MEST: variants seen among roughly 807,000 people sequenced by gnomAD.
MEST encodes mesoderm-specific transcript homolog protein.
Under a neutral mutation model 50.9 loss-of-function variants are expected in MEST, and 18 were observed. The ratio of observed to expected loss-of-function variants is 0.35; its 90% CI spans 0.24 to 0.52. The LOEUF is 0.52. Ranked by LOEUF, MEST falls within the 20% of genes least tolerant of loss-of-function variation. MEST has a pLI of 0.94. For synonymous variants in MEST, 130 were observed against 154.1 expected (o/e 0.84, Z 1.16); for missense variants, 282 against 425.3 (o/e 0.66, Z 2.96).
chr7:130,499,957 C>T lies in MEST; in HGVS notation c.576+42C>T, dbSNP rs200410285. 7 of 1,547,796 alleles carry T rather than the reference C, an allele frequency of 4.5e-6. No individual in the cohort carries two copies. In the Admixed American group the frequency reaches 7.2e-5, roughly 16 times the overall value. On this transcript the variant is annotated intron_variant, in intron 7 of 11. Transcript: ENST00000223215. ...TAGACCTTTAGTTTTAGGATTTGTA[C>T]TGACGTAAATAATGCTGGGACCTTT... is the stretch of plus-strand genomic sequence containing the variant.
At chr7:130,504,591 T>A (rs2116308706) in intron 11 of MEST, among the ~76,000 whole-genome samples, 1 of 152,352 alleles carries the variant, frequency 6.6e-6, no homozygotes, top group Admixed American at 6.5e-5. Context: ...TAAGGGAAGA[T>A]CCTTGGTTAT....
rs188599590 is a variant in MEST, at chr7:130,504,727, T to C, written c.891-212T>C. 2.8e-4 allele frequency among the ~76,000 whole-genome samples: 43 copies of C among 152,332 alleles called. 1 individual carries two copies. The East Asian group carries it at 7.9e-3, about 28-fold the overall frequency. On this transcript the variant is annotated intron_variant, in intron 11 of 11. Transcript: ENST00000223215. ...TGTTATATTTTCAAGTTGTTGTTTG[T>C]TGGATTATGAACATTTAAAAACTAG...
At chr7:130,504,832 C>T (rs1554439456) in intron 11 of MEST, 107 bp from the exon 12 acceptor site, 2 of 727,392 alleles carry the variant, frequency 2.7e-6, no homozygotes, top group Admixed American at 2.2e-5. Context: ...TTTGGTGGCT[C>T]CTTCCAGTGT....
intron 2 of MEST, chr7:130,496,849 A>G (rs1417033741): frequency 2.0e-5 from 4 of 201,322 alleles, no homozygotes; most frequent in Non-Finnish European, 4.0e-5. Context: ...AAAAATTTGC[A>G]TATTACAGAA....
chr7:130,504,564 T>G (rs1355333309), intron 11 of MEST, among the ~76,000 whole-genome samples: 1 of 152,230 alleles, frequency 6.6e-6, no homozygotes, highest in African/African-American at 2.4e-5. Context: ...ACCCCCTCTC[T>G]CATCTCCTCC....
At chr7:130,501,021 A>C in intron 9 of MEST, 131 bp downstream of exon 9, 1 of 655,368 alleles carries the variant, frequency 1.5e-6, no homozygotes, top group Non-Finnish European at 2.6e-6. Flanking sequence ...GCAAACCAAA[A>C]AGTCATGGTC....
chr7:130,503,388 G>A lies in MEST; in HGVS notation c.827-545G>A, dbSNP rs190505671. Among the ~76,000 whole-genome samples the A allele has an allele frequency of 6.6e-5, 10 of 152,310 alleles. No individual in the cohort carries two copies. In the East Asian group the frequency reaches 1.9e-3, roughly 29 times the overall value. Reference sequence around the variant, plus strand: ...CCAGGGTGCAGGAGAGCTGGATGAGGGACCAAATGGTTGTCTGTAGGAGGA... The same window carrying A: ...CCAGGGTGCAGGAGAGCTGGATGAGAGACCAAATGGTTGTCTGTAGGAGGA... On this transcript the variant is annotated intron_variant, in intron 10 of 11. Transcript: ENST00000223215.
Position 130,505,068 on chromosome 7 carries a change from T to C in MEST, c.*12T>C. 5 of 1,580,230 alleles carry C rather than the reference T, an allele frequency of 3.2e-6. No individual in the cohort carries two copies. The highest frequency in any genetic ancestry group is 4.3e-6 in the Non-Finnish European group (5 of 1,150,196). On this transcript the variant is annotated 3_prime_UTR_variant, in exon 12 of 12. Transcript: ENST00000223215. ...TCAACTCCTTCTGAGCTGGAAAGAG[T>C]AGCTTCCCTGTATTACCTCCCCTAC...
intron 2 of MEST, chr7:130,496,625 G>C (rs1554437065): frequency 6.0e-6 from 1 of 166,464 alleles, no homozygotes; most frequent in Non-Finnish European, 1.3e-5. Context: ...TAGTTGACAG[G>C]ATTTTGTAAT....
At chr7:130,495,711 T>A in intron 2 of MEST, 189 bp downstream of exon 2, 1 of 520,768 alleles carries the variant, frequency 1.9e-6, no homozygotes, top group Non-Finnish European at 3.2e-6. Context: ...GGGACTGAGA[T>A]TCCAACCTGC....
chr7:130,488,202 C>A (rs1554434244), upstream of MEST: 1 of 152,138 alleles, frequency 6.6e-6, no homozygotes, highest in African/African-American at 2.4e-5. Flanking sequence ...ACATGCAGAG[C>A]TCGCATACCT....
Position 130,505,565 on chromosome 7 carries a change from G to C in MEST, c.*509G>C, listed in dbSNP as rs1308909771. 1 of 152,322 alleles carries C rather than the reference G, an allele frequency of 6.6e-6. No individual in the cohort carries two copies. Among genetic ancestry groups the C allele is most frequent in the East Asian group, 1.9e-4 (1 of 5,182 alleles). 9.4% of individuals were successfully genotyped at this position (152,322 alleles called of 1,614,324 possible). A position where few individuals can be genotyped will look rare whatever the true frequency, so the allele number is the denominator to read the frequency against. On this transcript the variant is annotated 3_prime_UTR_variant, in exon 12 of 12. Coordinates refer to ENST00000223215, the MANE Select transcript of MEST (RefSeq NM_002402.4). ...CTGAGTCCTCTTTGTCATACCTTTG[G>C]ATTTAGTGTTTCATCAGCTGTTTTT... is the stretch of plus-strand genomic sequence containing the variant.
Position 130,495,530 on chromosome 7 carries a change from G to A in MEST, c.181+8G>A, listed in dbSNP as rs1554436596. ...TGCGTATCTTCTACCAAGGTAAGAA[G>A]TGGACTATTGGAAGTCCTGCGTGTA... On this transcript the variant is annotated splice_region_variant and intron_variant, in intron 2 of 11. Transcript: ENST00000223215. 6 of 1,613,198 alleles carry A rather than the reference G, an allele frequency of 3.7e-6. No individual in the cohort carries two copies. The South Asian group carries it at 5.5e-5, about 15-fold the overall frequency.
At position 130,492,130 on chromosome 7, in the gene MEST, C is replaced by T; in HGVS notation, c.-184C>T. 2 of 316,306 alleles carry T rather than the reference C, an allele frequency of 6.3e-6. No homozygotes were observed. The highest frequency in any genetic ancestry group is 1.1e-5 in the Non-Finnish European group (2 of 182,262). The allele number at this position is 316,306 out of a possible 1,614,324, so 19.6% of individuals were successfully genotyped here. On this transcript the variant is annotated 5_prime_UTR_variant, in exon 1 of 12. Coordinates refer to ENST00000223215, the MANE Select transcript of MEST (RefSeq NM_002402.4). The surrounding 1 kb of genome is among the most constrained non-coding windows in gnomAD (Gnocchi z 7.6). ...CCCGGCACCTCCTCTGCGGCAGCTG[C>T]GCCTCGCAAGCGCAGTGCCGCAGCG...
At chr7:130,493,817 G>A (rs1798931374) in intron 1 of MEST, among the ~76,000 whole-genome samples, 1 of 152,214 alleles carries the variant, frequency 6.6e-6, no homozygotes, top group African/African-American at 2.4e-5. Context: ...TGAAGTACAG[G>A]ACAGATAGGG....
At chr7:130,504,871 C>T in intron 11 of MEST, 68 bp from the exon 12 acceptor site, 1 of 1,192,508 alleles carries the variant, frequency 8.4e-7, no homozygotes, top group Non-Finnish European at 1.2e-6. Context: ...TTTACTGGGG[C>T]TTCCCACTGG....
intron 6 of MEST, 97 bp from the exon 7 acceptor site, chr7:130,499,778 G>C: frequency 1.0e-6 from 1 of 956,516 alleles, no homozygotes; most frequent in South Asian, 1.7e-5. Flanking sequence ...GATTGCTTGA[G>C]CTCGAGACCA....
intron 1 of MEST, chr7:130,494,821 G>A (rs1449537726): frequency 2.0e-6 from 2 of 984,972 alleles, no homozygotes; most frequent in African/African-American, 3.5e-5. Flanking sequence ...CTGAAAATCA[G>A]GAGTAGCTCT....
rs73154725 is a variant in MEST, at chr7:130,502,843, T to C, written c.826+123T>C. The C allele has an allele frequency of 4.2e-3, 2,877 of 685,558 alleles. 16 individuals carry two copies. Among genetic ancestry groups the C allele is most frequent in the Non-Finnish European group, 5.1e-3 (2,079 of 407,426 alleles). The allele number at this position is 685,558 out of a possible 1,614,324, so 42.5% of individuals were successfully genotyped here. On this transcript the variant is annotated intron_variant, in intron 10 of 11. Transcript: ENST00000223215. ...AAAAATATAAGATACCCAGTTAAAT[T>C]TGAATTTTAGATAAACAACAAATGC... is the stretch of plus-strand genomic sequence containing the variant.
Sources: gnomAD v4.1 joint callset for allele counts (sites outside exome capture counted in the v4.1 genomes callset) on GRCh38, gnomAD v4.1.1 for gene constraint, Gnocchi (gnomAD v3.1) non-coding constraint, MANE v1.5 for transcripts, NCBI Gene and HGNC (gene_info 2026-07-23, HGNC 2026-07-21) for gene names.